The following ZC3H12B variants were observed in gnomAD, a reference collection of about 807,000 sequenced individuals.
ZC3H12B encodes probable ribonuclease ZC3H12B.
Under a neutral mutation model 43.9 loss-of-function variants are expected in ZC3H12B, and 7 were observed. The observed-to-expected ratio is 0.16, with a 90% CI of 0.09 to 0.30. ZC3H12B has a LOEUF of 0.30. Among genes scored for constraint, ZC3H12B ranks in the 10% least tolerant of loss-of-function variants. The pLI is 1.00. For synonymous variants in ZC3H12B, 222 were observed against 241.7 expected, an observed-to-expected ratio of 0.92 and a Z score of 0.76; for missense variants, 475 against 670.2, an observed-to-expected ratio of 0.71 and a Z score of 3.22.
At chrX:65,177,315 A>G in the ZC3H12B span, among the ~76,000 whole-genome samples, 7 of 112,046 alleles carry the variant, frequency 6.2e-5, no homozygotes, top group South Asian at 2.6e-3. Flanking sequence ...ACCCACAGCC[A>G]ATATCATACT....
chrX:65,287,822 T>G, the ZC3H12B span, among the ~76,000 whole-genome samples: 1 of 109,984 alleles, frequency 9.1e-6, no homozygotes, highest in Non-Finnish European at 1.9e-5. Flanking sequence ...GAATTAATGA[T>G]GGCTAAAAAA....
intron 3 of ZC3H12B, among the ~76,000 whole-genome samples, chrX:65,475,076 C>T (rs781177200): frequency 2.9e-4 from 33 of 112,208 alleles, no homozygotes; most frequent in African/African-American, 1.0e-3. Flanking sequence ...GCTTAAATAT[C>T]ATACAAAAAA....
At chrX:65,299,134 G>A in the ZC3H12B span, among the ~76,000 whole-genome samples, 3 of 112,083 alleles carry the variant, frequency 2.7e-5, no homozygotes, top group African/African-American at 9.7e-5. Flanking sequence ...ATATACAGTC[G>A]TGAACTACAT....
At chrX:65,122,442 A>G in the ZC3H12B span, among the ~76,000 whole-genome samples, 1 of 111,502 alleles carries the variant, frequency 9.0e-6, no homozygotes, top group African/African-American at 3.3e-5. Context: ...GCCAAATTGT[A>G]AAGACCATCG....
At chrX:65,133,014 C>T in the ZC3H12B span, among the ~76,000 whole-genome samples, 2 of 110,985 alleles carry the variant, frequency 1.8e-5, no homozygotes, top group African/African-American at 6.6e-5. Context: ...CCAGTGGGGT[C>T]CTGTACAGAT....
At chrX:65,310,599 C>G in the ZC3H12B span, among the ~76,000 whole-genome samples, 2 of 111,790 alleles carry the variant, frequency 1.8e-5, no homozygotes, top group African/African-American at 6.5e-5. Context: ...TCAGTGCTAT[C>G]CCCATCAAGC....
the ZC3H12B span, among the ~76,000 whole-genome samples, chrX:65,108,320 A>C: frequency 8.9e-6 from 1 of 111,878 alleles, no homozygotes; most frequent in Non-Finnish European, 1.9e-5. Context: ...TTATAGTAAC[A>C]CTTAGCTTAA....
At chrX:65,304,062 A>G in the ZC3H12B span, among the ~76,000 whole-genome samples, 1 of 112,507 alleles carries the variant, frequency 8.9e-6, no homozygotes, top group Admixed American at 9.4e-5. Flanking sequence ...GAAATTACAC[A>G]ATATCTAGAG....
chrX:65,272,249 AGAGCCTAATACTAAATTTAGT>A, the ZC3H12B span: 1 of 101,567 alleles, frequency 9.8e-6, no homozygotes, highest in African/African-American at 4.3e-5. Context: ...AAAAAAAGAA[AGAGCCTAATACTAAATTTAGT>A]AAAAAAAAAA....
At chrX:65,156,106 A>G in the ZC3H12B span, among the ~76,000 whole-genome samples, 6 of 111,224 alleles carry the variant, frequency 5.4e-5, no homozygotes, top group East Asian at 8.4e-4. Context: ...TGTTTATAGT[A>G]TCCTCTTAGT....
the ZC3H12B span, among the ~76,000 whole-genome samples, chrX:65,213,429 A>T: frequency 9.0e-6 from 1 of 111,359 alleles, no homozygotes; most frequent in African/African-American, 3.3e-5. Context: ...CATAGGGTAT[A>T]CAGGTTGAGT....
the ZC3H12B span, among the ~76,000 whole-genome samples, chrX:65,068,774 A>G: frequency 9.0e-6 from 1 of 111,600 alleles, no homozygotes; most frequent in African/African-American, 3.3e-5. Flanking sequence ...TTCTGGTTGA[A>G]GTGTGCCGTT....
intron 3 of ZC3H12B, among the ~76,000 whole-genome samples, chrX:65,444,471 G>A (rs2067349010): frequency 8.9e-6 from 1 of 112,276 alleles, no homozygotes; most frequent in Non-Finnish European, 1.9e-5. Flanking sequence ...CTCTTCTCTT[G>A]TCTGCCAACA....
chrX:65,248,319 C>T, the ZC3H12B span, among the ~76,000 whole-genome samples: 5 of 111,174 alleles, frequency 4.5e-5, no homozygotes, highest in South Asian at 7.6e-4. Flanking sequence ...TGTGAGCCAC[C>T]GCACCAAGCC....
chrX:65,061,308 C>G, the ZC3H12B span, among the ~76,000 whole-genome samples: 1 of 109,482 alleles, frequency 9.1e-6, no homozygotes, highest in Admixed American at 9.6e-5. Flanking sequence ...TAATGCTATC[C>G]CTCCTTTTGT....
At chrX:65,353,599 T>A in the ZC3H12B span, among the ~76,000 whole-genome samples, 1 of 112,067 alleles carries the variant, frequency 8.9e-6, no homozygotes, top group South Asian at 3.8e-4. Context: ...ACGCCTGGAA[T>A]GCCAGTGAGA....
intron 3 of ZC3H12B, among the ~76,000 whole-genome samples, chrX:65,482,301 G>A (rs2068074096): frequency 9.1e-6 from 1 of 110,379 alleles, no homozygotes; most frequent in African/African-American, 3.3e-5. Flanking sequence ...AAGAGAGGGA[G>A]GAGAGAAAGA....
At chrX:65,080,381 A>T in the ZC3H12B span, among the ~76,000 whole-genome samples, 1 of 111,096 alleles carries the variant, frequency 9.0e-6, no homozygotes, top group South Asian at 3.7e-4. Context: ...CAAGAAGTTT[A>T]TAGAACACCA....
At chrX:65,171,474 G>T in the ZC3H12B span, among the ~76,000 whole-genome samples, 1 of 111,291 alleles carries the variant, frequency 9.0e-6, no homozygotes, top group African/African-American at 3.3e-5. Flanking sequence ...CTATAAGTTA[G>T]GCTACTCGGG....
Sources: allele counts gnomAD v4.1 joint callset (sites outside exome capture counted in the v4.1 genomes callset), GRCh38; gene constraint gnomAD v4.1.1; transcripts MANE v1.5; gene names NCBI Gene and HGNC (gene_info 2026-07-23, HGNC 2026-07-21).